PRKG1: variants seen among roughly 807,000 people sequenced by gnomAD.
PRKG1 encodes cGMP-dependent protein kinase 1.
A neutral mutation model predicts 88.1 loss-of-function variants in PRKG1; 35 were observed. The observed-to-expected ratio is 0.40, with a 90% CI of 0.30 to 0.53. The LOEUF (loss-of-function observed/expected upper bound fraction) is 0.53, where lower values mean the gene tolerates loss of function less well. PRKG1 is among the 20% of genes least tolerant of loss of function. The pLI, the probability that PRKG1 is intolerant of heterozygous loss-of-function variation, is 0.59. For synonymous variants in PRKG1, 303 were observed against 292.5 expected (o/e 1.04, Z -0.37); for missense variants, 540 against 839.8 (o/e 0.64, Z 4.41).
intron 5 of PRKG1, among the ~76,000 whole-genome samples, chr10:51,986,452 G>A (rs962348018): frequency 5.9e-5 from 9 of 152,162 alleles, no homozygotes; most frequent in Non-Finnish European, 1.3e-4. Flanking sequence ...TAAGCAAAAA[G>A]CACTATGATT....
chr10:51,520,194 T>C (rs1841699792), intron 3 of PRKG1, among the ~76,000 whole-genome samples: 1 of 151,090 alleles, frequency 6.6e-6, no homozygotes, highest in African/African-American at 2.4e-5. Context: ...TTTTTAATAC[T>C]ACATTATTTA....
chr10:51,804,393 A>C lies in PRKG1; in HGVS notation c.593-192A>C, dbSNP rs16913410. Among the ~76,000 whole-genome samples the C allele has an allele frequency of 0.016, 2,378 of 152,168 alleles. 78 individuals are homozygous for C. Among genetic ancestry groups the C allele is most frequent in the African/African-American group, 0.054 (2,249 of 41,550 alleles). On this transcript the variant is annotated intron_variant, in intron 3 of 17. Transcript: ENST00000373980. Reference sequence around the variant, plus strand: ...GCGAGTATGGAAAATTATGAACTACATTTTGCCTGTAAACATATAGGACTT... The same window carrying C: ...GCGAGTATGGAAAATTATGAACTACCTTTTGCCTGTAAACATATAGGACTT...
At chr10:52,066,133 C>T (rs1846349144) in intron 7 of PRKG1, among the ~76,000 whole-genome samples, 1 of 152,168 alleles carries the variant, frequency 6.6e-6, no homozygotes, top group Non-Finnish European at 1.5e-5. Flanking sequence ...TTGCTAGTTA[C>T]CTCATGAAAT....
intron 3 of PRKG1, among the ~76,000 whole-genome samples, chr10:51,686,542 C>T (rs1840995936): frequency 1.3e-5 from 2 of 152,154 alleles, no homozygotes; most frequent in Non-Finnish European, 2.9e-5. Context: ...ACATGTTTAT[C>T]TGAAAATGAT....
Position 51,904,483 on chromosome 10 carries a change from T to C in PRKG1, c.699-3024T>C, listed in dbSNP as rs558124862. Among the ~76,000 whole-genome samples, 7 of 152,252 alleles carry C rather than the reference T, an allele frequency of 4.6e-5. No individual in the cohort carries two copies. The East Asian group carries it at 1.3e-3, about 29-fold the overall frequency. On this transcript the variant is annotated intron_variant, in intron 4 of 17. Transcript: ENST00000373980. ...TGAATTGTTTTGTTCCTAGTGTGTA[T>C]GCTACTAGTAGACCAGTCATTTTTA...
intron 3 of PRKG1, among the ~76,000 whole-genome samples, chr10:51,567,261 G>A (rs1296178452): frequency 1.3e-5 from 2 of 152,020 alleles, no homozygotes; most frequent in African/African-American, 2.4e-5. Context: ...TGGGAGAGAT[G>A]AACCACTTTT....
intron 3 of PRKG1, among the ~76,000 whole-genome samples, chr10:51,723,216 A>G (rs917781863): frequency 6.6e-6 from 1 of 152,214 alleles, no homozygotes; most frequent in Non-Finnish European, 1.5e-5. Flanking sequence ...AAGACTTGGA[A>G]TCAACCCAAA....
chr10:51,372,184 A>G (rs1052987723), intron 2 of PRKG1, among the ~76,000 whole-genome samples: 6 of 152,188 alleles, frequency 3.9e-5, no homozygotes, highest in Non-Finnish European at 8.8e-5. Flanking sequence ...ATGGTGTTCT[A>G]TAAGTGAAAT....
At chr10:51,835,283 T>C (rs1840105538) in intron 4 of PRKG1, among the ~76,000 whole-genome samples, 1 of 152,204 alleles carries the variant, frequency 6.6e-6, no homozygotes, top group South Asian at 2.1e-4. Context: ...CCTCCTTCCA[T>C]TTCACCAAGA....
Position 52,256,200 on chromosome 10 carries a change from C to A in PRKG1, c.1173+4534C>A, listed in dbSNP as rs933982259. Among the ~76,000 whole-genome samples, 3 of 139,432 alleles carry A rather than the reference C, an allele frequency of 2.2e-5. 1 individual carries two copies. Among genetic ancestry groups the A allele is most frequent in the Non-Finnish European group, 4.9e-5 (3 of 61,678 alleles). 91.5% of individuals were successfully genotyped at this position (139,432 alleles called of 152,430 possible). ...CTTCATTGTTATATGTACACCTTTG[C>A]TTTAAAAAAATTCTTCTGGAATTCA... On this transcript the variant is annotated intron_variant, in intron 10 of 17. Coordinates refer to ENST00000373980, the MANE Select transcript of PRKG1 (RefSeq NM_006258.4).
At chr10:52,232,370 T>C (rs967216514) in intron 9 of PRKG1, among the ~76,000 whole-genome samples, 6 of 152,178 alleles carry the variant, frequency 3.9e-5, no homozygotes, top group African/African-American at 1.2e-4. Context: ...ATTCTCAATA[T>C]AGCAGTGGAA....
At chr10:51,283,013 C>T (rs1307697202) in intron 2 of PRKG1, among the ~76,000 whole-genome samples, 2 of 152,114 alleles carry the variant, frequency 1.3e-5, no homozygotes, top group Non-Finnish European at 2.9e-5. Context: ...GATGCACCTT[C>T]TCTCTTAGCA....
At chr10:51,780,720 G>A (rs983674055) in intron 3 of PRKG1, among the ~76,000 whole-genome samples, 8 of 152,100 alleles carry the variant, frequency 5.3e-5, no homozygotes, top group African/African-American at 9.7e-5. Flanking sequence ...GCTGGATATT[G>A]TACTTGACCA....
intron 3 of PRKG1, among the ~76,000 whole-genome samples, chr10:51,663,210 T>C (rs558416298): frequency 6.6e-6 from 1 of 152,158 alleles, no homozygotes; most frequent in South Asian, 2.1e-4. Context: ...GATTTTGATA[T>C]GAAAAGTGAA....
chr10:51,528,526 T>A (rs369714530), intron 3 of PRKG1, among the ~76,000 whole-genome samples: 6 of 151,920 alleles, frequency 3.9e-5, no homozygotes, highest in East Asian at 3.9e-4. Flanking sequence ...GAACATTAGG[T>A]TTCCTGTTTC....
intron 3 of PRKG1, among the ~76,000 whole-genome samples, chr10:51,706,406 G>A (rs923310128): frequency 1.3e-5 from 2 of 152,184 alleles, no homozygotes; most frequent in Non-Finnish European, 2.9e-5. Flanking sequence ...ACTGTTATTG[G>A]CAAGTGCAGA....
At chr10:51,180,791 G>C (rs1837321257) in intron 2 of PRKG1, among the ~76,000 whole-genome samples, 1 of 152,140 alleles carries the variant, frequency 6.6e-6, no homozygotes, top group African/African-American at 2.4e-5. Flanking sequence ...TTCTAGTCTT[G>C]CTGCAAATAG....
At chr10:51,602,683 A>G (rs1054610572) in intron 3 of PRKG1, among the ~76,000 whole-genome samples, 1 of 150,500 alleles carries the variant, frequency 6.6e-6, no homozygotes, top group Non-Finnish European at 1.5e-5. Context: ...TCAAAGTGCT[A>G]GGATTGGAGA....
At position 52,280,767 on chromosome 10, in the gene PRKG1, TCA is replaced by T; in HGVS notation, c.1404-21_1404-20del. 1 of 1,602,962 alleles carries T rather than the reference TCA, an allele frequency of 6.2e-7. No homozygotes were observed. Among genetic ancestry groups the T allele is most frequent in the Non-Finnish European group, 8.5e-7 (1 of 1,174,922 alleles). On this transcript the variant is annotated intron_variant, in intron 12 of 17. Transcript: ENST00000373980. ...CAGAAATTAATTTTTTATACAATTT[TCA>T]TTCCATTTCTGCACCTCAGAGGTTC...
Sources: gnomAD v4.1 joint callset for allele counts (sites outside exome capture counted in the v4.1 genomes callset) on GRCh38, gnomAD v4.1.1 for gene constraint, MANE v1.5 for transcripts, NCBI Gene and HGNC (gene_info 2026-07-23, HGNC 2026-07-21) for gene names.